AEBP2: variants seen among roughly 807,000 people sequenced by gnomAD.
AEBP2 encodes the protein zinc finger protein AEBP2.
A neutral mutation model predicts 50.8 loss-of-function variants in AEBP2; 10 were observed. The observed-to-expected ratio is 0.20, with a 90% CI of 0.12 to 0.33. The LOEUF (loss-of-function observed/expected upper bound fraction) is 0.33. AEBP2 is among the 10% of genes least tolerant of loss of function. AEBP2 has a pLI of 1.00. For missense variants in AEBP2, 570 were observed against 688.0 expected (o/e 0.83, Z 1.92); for synonymous variants, 296 against 261.3 (o/e 1.13, Z -1.28).
intron 1 of AEBP2, among the ~76,000 whole-genome samples, chr12:19,415,330 AAAAAAAAAAAAAAAAAAAAAATAT>A (rs1421005689): frequency 3.1e-3 from 90 of 29,250 alleles, no homozygotes; most frequent in Non-Finnish European, 5.0e-3. Flanking sequence ...AAAAAAAAAA[AAAAAAAAAAAAAAAAAAAAAATAT>A]ATATATATAT....
chr12:19,498,455 A>G (rs1309641286), intron 4 of AEBP2, among the ~76,000 whole-genome samples: 1 of 152,156 alleles, frequency 6.6e-6, no homozygotes, highest in African/African-American at 2.4e-5. Context: ...GGTATGTTCT[A>G]TTTGATGTGC....
chr12:19,508,901 A>G (rs1949192966), intron 5 of AEBP2: 1 of 299,368 alleles, frequency 3.3e-6, no homozygotes, highest in East Asian at 6.9e-5. Context: ...GCAGGCACTC[A>G]GAATGGTCCA....
chr12:19,413,175 A>G (rs1487634650), intron 1 of AEBP2: 1 of 755,350 alleles, frequency 1.3e-6, no homozygotes, highest in Non-Finnish European at 2.5e-6. Context: ...GCAGCCCAAC[A>G]GGAAGCAAAG....
At chr12:19,437,625 A>G (rs1332739595), upstream of AEBP2, among the ~76,000 whole-genome samples, 1 of 152,146 alleles carries the variant, frequency 6.6e-6, no homozygotes, top group Non-Finnish European at 1.5e-5. Context: ...TTACAGGTAT[A>G]AGCCACCCTG....
intron 1 of AEBP2, among the ~76,000 whole-genome samples, chr12:19,455,442 GT>G (rs925265736): frequency 3.3e-5 from 5 of 152,124 alleles, no homozygotes; most frequent in African/African-American, 9.7e-5. Flanking sequence ...TAAGACCATA[GT>G]TTTGTCCTTC....
intron 1 of AEBP2, among the ~76,000 whole-genome samples, chr12:19,407,894 C>CA (rs1009911128): frequency 2.6e-5 from 4 of 151,876 alleles, no homozygotes; most frequent in African/African-American, 7.2e-5. Context: ...ACTGAAAATA[C>CA]AAAAAACTTA....
At chr12:19,415,778 C>A (rs2095742259) in intron 1 of AEBP2, among the ~76,000 whole-genome samples, 1 of 152,072 alleles carries the variant, frequency 6.6e-6, no homozygotes, top group African/African-American at 2.4e-5. Context: ...GGCCTGTAAC[C>A]CACACCCATG....
At chr12:19,456,101 CTCCTT>C in intron 1 of AEBP2, 4 of 470,240 alleles carry the variant, frequency 8.5e-6, no homozygotes, top group Admixed American at 3.6e-5. Flanking sequence ...ACAAAACATT[CTCCTT>C]TCCTTCTGAA....
chr12:19,496,930 G>A (rs1247499917), intron 4 of AEBP2, among the ~76,000 whole-genome samples: 1 of 151,344 alleles, frequency 6.6e-6, no homozygotes, highest in Non-Finnish European at 1.5e-5. Flanking sequence ...CCTCCCAAAG[G>A]GCTGGGATGA....
At chr12:19,476,313 A>C (rs1948649256) in intron 3 of AEBP2, among the ~76,000 whole-genome samples, 1 of 152,120 alleles carries the variant, frequency 6.6e-6, no homozygotes, top group African/African-American at 2.4e-5. Context: ...CATTTGTTGC[A>C]AAGGGTGTCC....
intron 5 of AEBP2, among the ~76,000 whole-genome samples, chr12:19,501,719 T>TA (rs1949079726): frequency 6.7e-6 from 1 of 150,208 alleles, no homozygotes; most frequent in Non-Finnish European, 1.5e-5. Context: ...AAAATTGAAA[T>TA]ACAAAAGGTC....
chr12:19,493,390 C>T (rs371674681), intron 3 of AEBP2, among the ~76,000 whole-genome samples: 51 of 152,204 alleles, frequency 3.4e-4, no homozygotes, highest in African/African-American at 1.0e-3. Context: ...AATAACAATA[C>T]GCTGTCTCAA....
chr12:19,515,767 G>T (rs961977917), intron 7 of AEBP2, among the ~76,000 whole-genome samples: 2 of 152,240 alleles, frequency 1.3e-5, no homozygotes, highest in South Asian at 2.1e-4. Context: ...AACATAATGG[G>T]CATTGCTATG....
Position 19,482,476 on chromosome 12 carries a change from C to T in AEBP2, c.987+9121C>T, listed in dbSNP as rs115682814. Among the ~76,000 whole-genome samples the T allele has an allele frequency of 8.6e-3, 1,314 of 152,252 alleles. 22 individuals carry two copies. The highest frequency in any genetic ancestry group is 0.029 in the African/African-American group (1,220 of 41,552). On this transcript the variant is annotated intron_variant, in intron 3 of 7. Coordinates refer to ENST00000266508, the MANE Select transcript of AEBP2 (RefSeq NM_153207.5). Reference sequence around the variant, plus strand: ...GGCAGTGGAATTAGCTGTTGTTTTCCGCTTCCTGGGATCTGGGTTATTCTG... The same window carrying T: ...GGCAGTGGAATTAGCTGTTGTTTTCTGCTTCCTGGGATCTGGGTTATTCTG...
intron 1 of AEBP2, among the ~76,000 whole-genome samples, chr12:19,405,090 C>G (rs1438081294): frequency 6.6e-6 from 1 of 151,590 alleles, no homozygotes; most frequent in East Asian, 2.0e-4. Flanking sequence ...CATGCCCCAC[C>G]ACGCCCAGCT....
intron 5 of AEBP2, among the ~76,000 whole-genome samples, chr12:19,509,888 A>G (rs1433563770): frequency 8.3e-6 from 1 of 119,916 alleles, no homozygotes; most frequent in Non-Finnish European, 1.6e-5. Context: ...ACTGGAGTGC[A>G]GTGGCATGAT....
intron 1 of AEBP2, among the ~76,000 whole-genome samples, chr12:19,422,575 C>A (rs1181436352): frequency 6.6e-6 from 1 of 151,852 alleles, no homozygotes; most frequent in Non-Finnish European, 1.5e-5. Flanking sequence ...TGGCTCACTG[C>A]AACGTCCACC....
intron 2 of AEBP2, among the ~76,000 whole-genome samples, chr12:19,470,124 C>T (rs1403614850): frequency 2.0e-5 from 3 of 151,774 alleles, no homozygotes; most frequent in Non-Finnish European, 1.5e-5. Flanking sequence ...AAAATATAGC[C>T]TCGAACAGTT....
chr12:19,462,421 C>A, intron 1 of AEBP2, 89 bp from the exon 2 acceptor site: 1 of 1,091,114 alleles, frequency 9.2e-7, no homozygotes, highest in South Asian at 1.5e-5. Context: ...AGCAGAATGT[C>A]AAGTGGTAAT....
Sources: gnomAD v4.1 joint callset for allele counts (sites outside exome capture counted in the v4.1 genomes callset) on GRCh38, gnomAD v4.1.1 for gene constraint, MANE v1.5 for transcripts, NCBI Gene and HGNC (gene_info 2026-07-23, HGNC 2026-07-21) for gene names.